CDH23: variants seen among roughly 807,000 people sequenced by gnomAD.
CDH23 encodes cadherin-23.
A neutral mutation model predicts 317.1 loss-of-function variants in CDH23; 189 were observed. The observed-to-expected ratio is 0.60, with a 90% confidence interval of 0.53 to 0.67. The LOEUF (loss-of-function observed/expected upper bound fraction) is 0.67, where lower values mean the gene tolerates loss of function less well. Ranked by LOEUF, CDH23 falls within the 30% of genes least tolerant of loss-of-function variation. CDH23 has a pLI of 0.00. For synonymous variants in CDH23, 1,839 were observed against 1,876.8 expected, an observed-to-expected ratio of 0.98 and a Z score of 0.52; for missense variants, 4,401 against 4,592.4, an observed-to-expected ratio of 0.96 and a Z score of 1.20.
intron 6 of CDH23, among the ~76,000 whole-genome samples, chr10:71,523,850 C>T (rs559096977): frequency 1.6e-4 from 24 of 152,314 alleles, no homozygotes; most frequent in East Asian, 1.5e-3. Context: ...GGTCTCATCC[C>T]GGCCCCCTCT....
At chr10:71,801,391 T>G (rs959167070) in intron 53 of CDH23, among the ~76,000 whole-genome samples, 1 of 152,026 alleles carries the variant, frequency 6.6e-6, no homozygotes, top group African/African-American at 2.4e-5. Context: ...CGACCTCAGG[T>G]GATTCGCCCA....
At chr10:71,776,739 C>T (rs891378291) in intron 38 of CDH23, among the ~76,000 whole-genome samples, 1 of 152,212 alleles carries the variant, frequency 6.6e-6, no homozygotes, top group African/African-American at 2.4e-5. Flanking sequence ...AGGAGAAACA[C>T]AGCCATGGGC....
intron 8 of CDH23, among the ~76,000 whole-genome samples, chr10:71,576,847 CTTGT>C (rs1858240587): frequency 6.6e-6 from 1 of 152,180 alleles, no homozygotes; most frequent in Non-Finnish European, 1.5e-5. Flanking sequence ...TAAACAAACT[CTTGT>C]TTGTTCGTTT....
At chr10:71,672,428 C>A (rs1445575126) in intron 14 of CDH23, among the ~76,000 whole-genome samples, 1 of 152,150 alleles carries the variant, frequency 6.6e-6, no homozygotes, top group East Asian at 1.9e-4. Flanking sequence ...TGCCCTCACC[C>A]TGGCAGAGGC....
chr10:71,591,948 C>A (rs1291090712), intron 9 of CDH23, among the ~76,000 whole-genome samples: 1 of 151,944 alleles, frequency 6.6e-6, no homozygotes, highest in Non-Finnish European at 1.5e-5. Flanking sequence ...GAAAGCATCC[C>A]AAGCAGGAGA....
chr10:71,593,142 G>A (rs1470388714), intron 9 of CDH23, among the ~76,000 whole-genome samples: 1 of 152,170 alleles, frequency 6.6e-6, no homozygotes, highest in African/African-American at 2.4e-5. Flanking sequence ...CAGACTGATG[G>A]GACAGAATAG....
intron 9 of CDH23, among the ~76,000 whole-genome samples, chr10:71,607,570 G>A (rs1860606216): frequency 6.6e-6 from 1 of 152,206 alleles, no homozygotes; most frequent in African/African-American, 2.4e-5. Flanking sequence ...GGTGAGAGGG[G>A]CCACAGCTGG....
Position 71,787,896 on chromosome 10 carries a change from A to T in CDH23, c.5821-1044A>T, listed in dbSNP as rs185804548. 3.3e-3 allele frequency among the ~76,000 whole-genome samples: 496 copies of T among 152,336 alleles called. 1 individual carries two copies. The highest frequency in any genetic ancestry group is 0.011 in the African/African-American group (470 of 41,572). ...TATAACGATGTATTTCCCTTTGGGC[A>T]GGTACCCAGTAGAGGGGTATTGTGG... On this transcript the variant is annotated intron_variant, in intron 44 of 69. Coordinates refer to ENST00000224721, the MANE Select transcript of CDH23 (RefSeq NM_022124.6).
intron 6 of CDH23, among the ~76,000 whole-genome samples, chr10:71,543,088 C>G (rs932116397): frequency 1.3e-5 from 2 of 152,218 alleles, no homozygotes; most frequent in African/African-American, 4.8e-5. Flanking sequence ...CAGAACAGCC[C>G]GAATGCACAG....
chr10:71,664,416 C>G (rs964368343), intron 14 of CDH23, among the ~76,000 whole-genome samples: 7 of 152,252 alleles, frequency 4.6e-5, no homozygotes, highest in African/African-American at 1.7e-4. Context: ...CACCCATCAG[C>G]CTCCACCCAG....
intron 3 of CDH23, among the ~76,000 whole-genome samples, chr10:71,480,710 G>C (rs989099694): frequency 1.3e-5 from 2 of 152,196 alleles, no homozygotes; most frequent in Non-Finnish European, 2.9e-5. Flanking sequence ...ATGGGGTCAG[G>C]ATACTGAGTG....
chr10:71,771,945 G>A (rs1840694619), intron 38 of CDH23, among the ~76,000 whole-genome samples: 1 of 152,224 alleles, frequency 6.6e-6, no homozygotes, highest in Non-Finnish European at 1.5e-5. Context: ...GTCTCACAGG[G>A]CCACCAGGGA....
chr10:71,597,489 CACAG>C (rs1162519888), intron 9 of CDH23, among the ~76,000 whole-genome samples: 1 of 152,130 alleles, frequency 6.6e-6, no homozygotes, highest in Non-Finnish European at 1.5e-5. Flanking sequence ...CTGAAGCTGC[CACAG>C]GTACAGGGCT....
chr10:71,555,529 G>A (rs368928035), intron 6 of CDH23, among the ~76,000 whole-genome samples: 7 of 152,294 alleles, frequency 4.6e-5, no homozygotes, highest in African/African-American at 9.6e-5. Context: ...CTGCTGCCAC[G>A]TGCTCTCTCC....
chr10:71,733,429 G>A (rs1380434377), intron 32 of CDH23, among the ~76,000 whole-genome samples: 2 of 151,994 alleles, frequency 1.3e-5, no homozygotes, highest in African/African-American at 4.8e-5. Flanking sequence ...AGGGTGTAGA[G>A]GCAGGGCTGA....
intron 6 of CDH23, among the ~76,000 whole-genome samples, chr10:71,547,390 C>T (rs1418287161): frequency 6.6e-6 from 1 of 152,148 alleles, no homozygotes; most frequent in Non-Finnish European, 1.5e-5. Context: ...AGTGCAAGGC[C>T]AGAGGGCTGG....
At chr10:71,405,497 G>T (rs1322272596) in intron 1 of CDH23, among the ~76,000 whole-genome samples, 1 of 151,234 alleles carries the variant, frequency 6.6e-6, no homozygotes, top group African/African-American at 2.4e-5. Flanking sequence ...GAGTACAGTG[G>T]TGCAATCTCG....
At chr10:71,579,911 G>A (rs1487304892) in intron 9 of CDH23, among the ~76,000 whole-genome samples, 1 of 152,220 alleles carries the variant, frequency 6.6e-6, no homozygotes, top group Non-Finnish European at 1.5e-5. Flanking sequence ...AGCAGGAAGG[G>A]GGTGCTGGGC....
intron 1 of CDH23, among the ~76,000 whole-genome samples, chr10:71,407,074 G>A (rs900370311): frequency 1.1e-4 from 16 of 152,176 alleles, no homozygotes; most frequent in Admixed American, 6.5e-4. Flanking sequence ...GAGAGGTTAC[G>A]CAATTTGCCC....
Sources: allele counts gnomAD v4.1 joint callset (sites outside exome capture counted in the v4.1 genomes callset), GRCh38; gene constraint gnomAD v4.1.1; transcripts MANE v1.5; gene names NCBI Gene and HGNC (gene_info 2026-07-23, HGNC 2026-07-21).